NRCAM: variants seen among roughly 807,000 people sequenced by gnomAD.
The protein encoded by NRCAM is neuronal cell adhesion molecule.
Under a neutral mutation model 156.5 loss-of-function variants are expected in NRCAM, and 83 were observed. The ratio of observed to expected loss-of-function variants is 0.53; its 90% CI spans 0.44 to 0.64. NRCAM has a LOEUF of 0.64. NRCAM is among the 30% of genes least tolerant of loss of function. The probability of loss-of-function intolerance (pLI) is 0.00; values close to 1 mark genes in which losing one functional copy is unlikely to be tolerated. For missense variants in NRCAM, 1,417 were observed against 1,597.3 expected (o/e 0.89, Z 1.92); for synonymous variants, 538 against 563.9 (o/e 0.95, Z 0.65).
At chr7:108,250,316 C>T (rs973250081) in intron 3 of NRCAM, among the ~76,000 whole-genome samples, 3 of 150,558 alleles carry the variant, frequency 2.0e-5, no homozygotes, top group South Asian at 2.1e-4. Context: ...GTCCCAACTA[C>T]GCAGGAGGCT....
At position 108,178,607 on chromosome 7, in the gene NRCAM, G is replaced by A. The variant is rs147783378; in HGVS notation, c.2852-495C>T. Among the ~76,000 whole-genome samples the A allele has an allele frequency of 9.8e-4, 149 of 152,280 alleles. 1 individual carries two copies. The highest frequency in any genetic ancestry group is 3.3e-3 in the African/African-American group (139 of 41,542). ...AGGTGCAGAAACGTTCTTATCCTGA[G>A]AGCTGACAGCTGCCCAGGATCTGGT... is the stretch of plus-strand genomic sequence containing the variant. On this transcript the variant is annotated intron_variant, in intron 25 of 32. Transcript: ENST00000379028.
chr7:108,380,397 T>G (rs1220450472), intron 2 of NRCAM, among the ~76,000 whole-genome samples: 2 of 152,216 alleles, frequency 1.3e-5, no homozygotes, highest in Non-Finnish European at 2.9e-5. Flanking sequence ...AGCTGCACCA[T>G]GTGCAGCTAT....
chr7:108,211,350 T>TTAAATTG (rs1346602456), intron 11 of NRCAM, among the ~76,000 whole-genome samples: 2 of 152,214 alleles, frequency 1.3e-5, no homozygotes, highest in East Asian at 3.9e-4. Context: ...CCAGCTGAAC[T>TTAAATTG]TTATAACAAT....
intron 2 of NRCAM, among the ~76,000 whole-genome samples, chr7:108,370,304 T>C (rs1190727290): frequency 6.6e-6 from 1 of 152,140 alleles, no homozygotes; most frequent in Non-Finnish European, 1.5e-5. Flanking sequence ...GGTGCATTCT[T>C]GTATATTTGG....
chr7:108,427,131 G>A (rs1818344701), intron 1 of NRCAM, among the ~76,000 whole-genome samples: 1 of 152,072 alleles, frequency 6.6e-6, no homozygotes, highest in Admixed American at 6.6e-5. Flanking sequence ...CAAATCCTAG[G>A]GCACCTGAAG....
intron 11 of NRCAM, among the ~76,000 whole-genome samples, chr7:108,219,757 AAAAGTTG>A (rs2091421467): frequency 6.6e-6 from 1 of 152,184 alleles, no homozygotes; most frequent in South Asian, 2.1e-4. Flanking sequence ...CTGAGTGGGG[AAAAGTTG>A]AAAGCATTCC....
chr7:108,206,322 A>G (rs2081132841), intron 13 of NRCAM, among the ~76,000 whole-genome samples: 2 of 152,234 alleles, frequency 1.3e-5, no homozygotes, highest in African/African-American at 4.8e-5. Context: ...GGGAAAGTCA[A>G]TTCGGCAGAC....
chr7:108,436,629 T>C (rs1475617381), intron 1 of NRCAM, among the ~76,000 whole-genome samples: 1 of 152,186 alleles, frequency 6.6e-6, no homozygotes, highest in Non-Finnish European at 1.5e-5. Flanking sequence ...CATAACAAAA[T>C]TTTAGTAAAG....
chr7:108,346,105 G>C (rs1308105317), intron 2 of NRCAM, among the ~76,000 whole-genome samples: 1 of 152,178 alleles, frequency 6.6e-6, no homozygotes, highest in Admixed American at 6.5e-5. Context: ...AAATTATGCA[G>C]GCTTCAAGGC....
intron 15 of NRCAM, among the ~76,000 whole-genome samples, chr7:108,194,847 C>T (rs2074045909): frequency 6.6e-6 from 1 of 152,194 alleles, no homozygotes; most frequent in African/African-American, 2.4e-5. Context: ...TCATTCATTC[C>T]TTCTGAGCCA....
intron 13 of NRCAM, among the ~76,000 whole-genome samples, chr7:108,204,917 G>A (rs1397119908): frequency 1.3e-5 from 2 of 152,168 alleles, no homozygotes; most frequent in African/African-American, 4.8e-5. Flanking sequence ...CCCCAAAGCA[G>A]GCCTTTTATG....
rs2073599911 is a variant in NRCAM, at chr7:108,194,126, C to G, written c.1676G>C (p.Arg559Thr). The G allele has an allele frequency of 6.2e-7, 1 of 1,613,980 alleles. No homozygotes were observed. The highest frequency in any genetic ancestry group is 8.5e-7 in the Non-Finnish European group (1 of 1,179,948). Residue 559 changes from arginine to threonine, a missense_variant, in exon 17 of 33, where the codon AGA becomes ACA. Physicochemically the swap from Arg to Thr is moderately conservative, Grantham distance 71. Coordinates refer to ENST00000379028, the MANE Select transcript of NRCAM (RefSeq NM_001037132.4). ...VKQPEYAVVQ[R>T]GSMVSFECKV... is the part of the protein sequence containing the mutation. The stretch of plus-strand genomic sequence containing the variant: ...GCATTCAAAGGACACCATGCTCCCT[C>G]TTTGCACAACTGCATATTCGGGCTG...
At chr7:108,415,420 C>T (rs558048594) in intron 1 of NRCAM, among the ~76,000 whole-genome samples, 1 of 152,252 alleles carries the variant, frequency 6.6e-6, no homozygotes, top group African/African-American at 2.4e-5. Context: ...ATGGTGCAAA[C>T]TTGGGAGGGA....
intron 1 of NRCAM, among the ~76,000 whole-genome samples, chr7:108,409,809 T>C (rs1158493272): frequency 6.6e-6 from 1 of 152,236 alleles, no homozygotes; most frequent in East Asian, 1.9e-4. Context: ...GTTTACCTTG[T>C]TAGATAAAAT....
chr7:108,274,869 G>A (rs1438354900), intron 3 of NRCAM, among the ~76,000 whole-genome samples: 1 of 152,166 alleles, frequency 6.6e-6, no homozygotes, highest in East Asian at 1.9e-4. Flanking sequence ...GACATTAGCT[G>A]TGGGTTTGTC....
At position 108,424,258 on chromosome 7, in the gene NRCAM, G is replaced by T. The variant is rs1814160627; in HGVS notation, c.-331-24665C>A. ...GAGCTGGTGAGAAGGGAGTGAGCTA[G>T]AAACTGCCCCCTCAGTCCCATGTAG... On this transcript the variant is annotated intron_variant, in intron 1 of 32. Transcript: ENST00000379028. Among the ~76,000 whole-genome samples the T allele has an allele frequency of 2.0e-5, 3 of 152,200 alleles. No individual in the cohort carries two copies. The East Asian group carries it at 5.8e-4, about 29-fold the overall frequency.
intron 3 of NRCAM, among the ~76,000 whole-genome samples, chr7:108,296,973 A>G (rs567562758): frequency 6.6e-6 from 1 of 152,292 alleles, no homozygotes; most frequent in East Asian, 1.9e-4. Context: ...ACTAGGCAAA[A>G]AAATTAATTT....
At chr7:108,450,742 A>C (rs1195318000) in intron 1 of NRCAM, among the ~76,000 whole-genome samples, 1 of 152,236 alleles carries the variant, frequency 6.6e-6, no homozygotes, top group East Asian at 1.9e-4. Context: ...ATGCTGGCTT[A>C]TCCTGGACTT....
At position 108,433,539 on chromosome 7, in the gene NRCAM, G is replaced by C. The variant is rs190725349; in HGVS notation, c.-332+22704C>G. On this transcript the variant is annotated intron_variant, in intron 1 of 32. Coordinates refer to ENST00000379028, the MANE Select transcript of NRCAM (RefSeq NM_001037132.4). The stretch of plus-strand genomic sequence containing the variant: ...TATTCAGGCCTAAAGGAAGGTTTCT[G>C]GGTCACAGGGGCAGATCTCTAGTGA... Among the ~76,000 whole-genome samples, 9 of 152,338 alleles carry C rather than the reference G, an allele frequency of 5.9e-5. No homozygotes were observed. The East Asian group carries it at 1.7e-3, about 29-fold the overall frequency.
Sources: gnomAD v4.1 joint callset for allele counts (sites outside exome capture counted in the v4.1 genomes callset) on GRCh38, gnomAD v4.1.1 for gene constraint, MANE v1.5 for transcripts, NCBI Gene and HGNC (gene_info 2026-07-23, HGNC 2026-07-21) for gene names.